The following TBC1D22A variants were observed in gnomAD, a reference collection of about 807,000 sequenced individuals.
TBC1D22A encodes TBC1 domain family member 22A.
TBC1D22A carries 38 observed loss-of-function variants against 60.2 expected under a neutral mutation model. The ratio of observed to expected loss-of-function variants is 0.63; its 90% CI spans 0.49 to 0.83. The LOEUF is 0.83. Among genes scored for constraint, TBC1D22A ranks in the 40% least tolerant of loss-of-function variants. The pLI, the probability that TBC1D22A is intolerant of heterozygous loss-of-function variation, is 0.00. For missense variants in TBC1D22A, 628 were observed against 701.0 expected, an observed-to-expected ratio of 0.90 and a Z score of 1.18; for synonymous variants, 302 against 281.7, an observed-to-expected ratio of 1.07 and a Z score of -0.72.
chr22:47,147,824 A>G (rs2147164154), intron 12 of TBC1D22A, among the ~76,000 whole-genome samples: 2 of 152,336 alleles, frequency 1.3e-5, no homozygotes, highest in Middle Eastern at 6.8e-3. Flanking sequence ...GATGGGACTC[A>G]GAGCCAGCGG....
chr22:46,824,986 G>A (rs2085987601), intron 4 of TBC1D22A, among the ~76,000 whole-genome samples: 1 of 152,086 alleles, frequency 6.6e-6, no homozygotes, highest in Admixed American at 6.5e-5. Context: ...TGGGGACGTG[G>A]GGTGTGGATG....
At chr22:46,849,865 G>A (rs993884739) in intron 4 of TBC1D22A, among the ~76,000 whole-genome samples, 4 of 152,172 alleles carry the variant, frequency 2.6e-5, no homozygotes, top group Non-Finnish European at 4.4e-5. Context: ...GTGGATTGCC[G>A]AACATGCCTT....
chr22:46,873,119 A>G (rs1196620592), intron 4 of TBC1D22A, among the ~76,000 whole-genome samples: 1 of 152,208 alleles, frequency 6.6e-6, no homozygotes, highest in Non-Finnish European at 1.5e-5. Context: ...AGTAACCGGT[A>G]TGCAATGGAA....
At chr22:47,172,377 A>G (rs1342037965) in intron 12 of TBC1D22A, among the ~76,000 whole-genome samples, 1 of 152,206 alleles carries the variant, frequency 6.6e-6, no homozygotes, top group Admixed American at 6.5e-5. Flanking sequence ...CAATGCAATA[A>G]ATGCTGTGAC....
chr22:47,129,413 G>A (rs2066603434), intron 12 of TBC1D22A, among the ~76,000 whole-genome samples: 1 of 152,234 alleles, frequency 6.6e-6, no homozygotes, highest in Non-Finnish European at 1.5e-5. Context: ...GGAGGCGGAG[G>A]TTGCAGTGAG....
chr22:46,949,822 G>T (rs1037635306), intron 8 of TBC1D22A, among the ~76,000 whole-genome samples: 1 of 152,246 alleles, frequency 6.6e-6, no homozygotes, highest in Non-Finnish European at 1.5e-5. Flanking sequence ...GCAGTGACGG[G>T]AGTGGTGAGC....
chr22:47,106,521 A>G (rs901627199), intron 11 of TBC1D22A, among the ~76,000 whole-genome samples: 1 of 152,230 alleles, frequency 6.6e-6, no homozygotes, highest in African/African-American at 2.4e-5. Context: ...AGAACAATAT[A>G]TCCAGCAAAC....
At chr22:46,884,841 T>A (rs1471718263) in intron 5 of TBC1D22A, among the ~76,000 whole-genome samples, 1 of 151,958 alleles carries the variant, frequency 6.6e-6, no homozygotes, top group Non-Finnish European at 1.5e-5. Context: ...GGTGTGGCAT[T>A]TAAGGAACAT....
intron 12 of TBC1D22A, among the ~76,000 whole-genome samples, chr22:47,169,052 C>A (rs953808821): frequency 2.6e-5 from 4 of 152,218 alleles, no homozygotes; most frequent in African/African-American, 4.8e-5. Context: ...AGCGGCATGG[C>A]GGCTTCTGTC....
chr22:47,033,946 C>T (rs1434322801), intron 10 of TBC1D22A, among the ~76,000 whole-genome samples: 1 of 152,090 alleles, frequency 6.6e-6, no homozygotes, highest in African/African-American at 2.4e-5. Context: ...CCTGAGACAC[C>T]TCCTGGCACC....
intron 10 of TBC1D22A, among the ~76,000 whole-genome samples, chr22:47,015,666 G>A (rs2061887192): frequency 6.6e-6 from 1 of 152,194 alleles, no homozygotes; most frequent in South Asian, 2.1e-4. Flanking sequence ...GACAGCAGCA[G>A]CCAGGAAGCC....
chr22:46,964,339 C>T (rs2073693764), intron 8 of TBC1D22A, among the ~76,000 whole-genome samples: 1 of 152,134 alleles, frequency 6.6e-6, no homozygotes, highest in Non-Finnish European at 1.5e-5. Flanking sequence ...ATGTGGAGGC[C>T]CCTCTGGCGC....
At chr22:46,980,522 A>G (rs1189818261) in intron 9 of TBC1D22A, among the ~76,000 whole-genome samples, 1 of 152,238 alleles carries the variant, frequency 6.6e-6, no homozygotes, top group African/African-American at 2.4e-5. Context: ...CAGAACTTCT[A>G]GCATCGAAAT....
intron 5 of TBC1D22A, among the ~76,000 whole-genome samples, chr22:46,884,010 T>A (rs1425663155): frequency 6.6e-6 from 1 of 152,194 alleles, no homozygotes; most frequent in Non-Finnish European, 1.5e-5. Flanking sequence ...CTGCACGTCG[T>A]GATCACTCTT....
At chr22:47,012,916 C>T (rs867834794) in intron 10 of TBC1D22A, among the ~76,000 whole-genome samples, 7 of 152,156 alleles carry the variant, frequency 4.6e-5, no homozygotes, top group African/African-American at 9.7e-5. Context: ...ACTTGCTGTT[C>T]GGAGCAGAGG....
Position 46,875,962 on chromosome 22 carries a change from CT to C in TBC1D22A, c.638-2690del, listed in dbSNP as rs540550281. ...ACAAGGCTGGTGCTCATGACCCCCC[CT>C]GTCATTGGCGCTCACAGAAGAGATA... On this transcript the variant is annotated intron_variant, in intron 4 of 12. Coordinates refer to ENST00000337137, the MANE Select transcript of TBC1D22A (RefSeq NM_014346.5). Among the ~76,000 whole-genome samples, 155 of 152,234 alleles carry C rather than the reference CT, an allele frequency of 1.0e-3. 1 individual carries two copies. Among genetic ancestry groups the C allele is most frequent in the South Asian group, 2.1e-3 (10 of 4,822 alleles).
rs141665148 is a variant in TBC1D22A, at chr22:47,079,376, C to T, written c.1330-32132C>T. Among the ~76,000 whole-genome samples, 79 of 152,250 alleles carry T rather than the reference C, an allele frequency of 5.2e-4. 2 individuals are homozygous for T. The highest frequency in any genetic ancestry group is 4.0e-3 in the East Asian group (21 of 5,188). ...TACTGGGATTACAGACTTGAGCCAC[C>T]GTGCCCAGCCGGGACAGACATCTTG... On this transcript the variant is annotated intron_variant, in intron 11 of 12. Transcript: ENST00000337137.
intron 4 of TBC1D22A, among the ~76,000 whole-genome samples, chr22:46,838,212 A>G (rs2086602550): frequency 6.6e-6 from 1 of 152,366 alleles, no homozygotes; most frequent in Non-Finnish European, 1.5e-5. Context: ...AACAGACGAG[A>G]TTAAAAAGAA....
Position 47,065,910 on chromosome 22 carries a change from CTGAG to C in TBC1D22A, c.1329+28719_1329+28722del, listed in dbSNP as rs1400139642. 3.9e-5 allele frequency among the ~76,000 whole-genome samples: 6 copies of C among 152,274 alleles called. No individual in the cohort carries two copies. The East Asian group carries it at 5.8e-4, about 15-fold the overall frequency. On this transcript the variant is annotated intron_variant, in intron 11 of 12. Transcript: ENST00000337137. The stretch of plus-strand genomic sequence containing the variant: ...AATGCAGTGTCCCCCTGGGAATACA[CTGAG>C]TGAGTGGACCTTGGGCACACTGGAC...
Sources: allele counts gnomAD v4.1 joint callset (sites outside exome capture counted in the v4.1 genomes callset), GRCh38; gene constraint gnomAD v4.1.1; transcripts MANE v1.5; gene names NCBI Gene and HGNC (gene_info 2026-07-23, HGNC 2026-07-21).